The following SEMA3A variants were observed in gnomAD, a reference collection of about 807,000 sequenced individuals.
The protein encoded by SEMA3A is semaphorin 3A.
A neutral mutation model predicts 97.9 loss-of-function variants in SEMA3A; 29 were observed. That is an observed-to-expected ratio of 0.30 (90% CI 0.22 to 0.40). The LOEUF (loss-of-function observed/expected upper bound fraction) is 0.40. Ranked by LOEUF, SEMA3A falls within the 10% of genes least tolerant of loss-of-function variation. The pLI, the probability that SEMA3A is intolerant of heterozygous loss-of-function variation, is 1.00. For missense variants in SEMA3A, 763 were observed against 951.3 expected, an observed-to-expected ratio of 0.80 and a Z score of 2.60; for synonymous variants, 321 against 323.7, an observed-to-expected ratio of 0.99 and a Z score of 0.09.
intron 1 of SEMA3A, among the ~76,000 whole-genome samples, chr7:84,407,547 A>C (rs1311748623): frequency 3.3e-5 from 5 of 151,700 alleles, no homozygotes; most frequent in South Asian, 2.1e-4. Context: ...AAACTACTTT[A>C]AAGTTCATAT....
intron 3 of SEMA3A, among the ~76,000 whole-genome samples, chr7:84,249,404 T>TA (rs778701023): frequency 1.3e-5 from 2 of 151,950 alleles, no homozygotes; most frequent in Non-Finnish European, 2.9e-5. Flanking sequence ...TCTATCTATC[T>TA]ATCTATCTAT....
At chr7:84,250,504 T>C (rs962249756) in intron 3 of SEMA3A, among the ~76,000 whole-genome samples, 4 of 152,156 alleles carry the variant, frequency 2.6e-5, no homozygotes, top group African/African-American at 7.2e-5. Flanking sequence ...TGTTCATTGA[T>C]TGATAATGAG....
intron 1 of SEMA3A, among the ~76,000 whole-genome samples, chr7:84,426,043 A>T (rs1169907204): frequency 6.6e-6 from 1 of 151,718 alleles, no homozygotes; most frequent in Admixed American, 6.6e-5. Context: ...ATACAAAGGC[A>T]TACAGAGTGG....
intron 3 of SEMA3A, among the ~76,000 whole-genome samples, chr7:84,208,612 T>TATC (rs1438592138): frequency 6.6e-6 from 1 of 152,230 alleles, no homozygotes; most frequent in African/African-American, 2.4e-5. Context: ...TAATTACTGT[T>TATC]ATCTTTTAAA....
chr7:84,116,334 T>C (rs1357072919), intron 3 of SEMA3A, among the ~76,000 whole-genome samples: 1 of 152,222 alleles, frequency 6.6e-6, no homozygotes, highest in Non-Finnish European at 1.5e-5. Context: ...GTATACTCTT[T>C]TCCTTTTCTT....
chr7:84,303,927 T>C (rs1257126196), intron 3 of SEMA3A, among the ~76,000 whole-genome samples: 1 of 152,158 alleles, frequency 6.6e-6, no homozygotes, highest in Non-Finnish European at 1.5e-5. Context: ...TGTAACCCCA[T>C]TGTAAGTTTG....
chr7:84,483,041 C>T, intron 1 of SEMA3A, among the ~76,000 whole-genome samples: 1 of 152,058 alleles, frequency 6.6e-6, no homozygotes, highest in East Asian at 1.9e-4. Context: ...GTTTTGGAAG[C>T]AAATCAAAAC....
intron 1 of SEMA3A, among the ~76,000 whole-genome samples, chr7:84,172,653 C>G (rs573202439): frequency 3.6e-4 from 55 of 152,196 alleles, no homozygotes; most frequent in Admixed American, 3.6e-3. Flanking sequence ...GTCTCGATCT[C>G]CTGACCTAGT....
intron 4 of SEMA3A, among the ~76,000 whole-genome samples, chr7:84,108,910 G>GA (rs796700320): frequency 0.26 from 31,411 of 121,792 alleles, 4,728 homozygotes; most frequent in African/African-American, 0.4. Flanking sequence ...ATACTCACAA[G>GA]AAAAAAAAAA....
intron 3 of SEMA3A, among the ~76,000 whole-genome samples, chr7:84,237,442 A>C (rs1054005614): frequency 3.3e-5 from 5 of 152,130 alleles, no homozygotes; most frequent in Non-Finnish European, 7.4e-5. Context: ...TAATCAATAA[A>C]AGAGAAGAAG....
At chr7:84,204,638 T>C (rs529899093) in intron 3 of SEMA3A, among the ~76,000 whole-genome samples, 5 of 152,326 alleles carry the variant, frequency 3.3e-5, no homozygotes, top group African/African-American at 9.6e-5. Flanking sequence ...TAGGCTCTTA[T>C]TAATTTTATG....
intron 2 of SEMA3A, among the ~76,000 whole-genome samples, chr7:84,331,719 T>A (rs1346311270): frequency 1.3e-5 from 2 of 151,692 alleles, no homozygotes; most frequent in Non-Finnish European, 2.9e-5. Flanking sequence ...AAAAAAAAAA[T>A]AACACATTTT....
At chr7:84,443,528 G>A (rs1293630789) in intron 1 of SEMA3A, among the ~76,000 whole-genome samples, 2 of 152,084 alleles carry the variant, frequency 1.3e-5, no homozygotes, top group East Asian at 3.9e-4. Flanking sequence ...AACAAAAAGT[G>A]TCAGAAGGAG....
At chr7:84,036,023 G>A (rs1001014650) in intron 6 of SEMA3A, among the ~76,000 whole-genome samples, 1 of 151,958 alleles carries the variant, frequency 6.6e-6, no homozygotes, top group Admixed American at 6.6e-5. Context: ...CTTTCTAAGA[G>A]AAGACTGGGT....
intron 2 of SEMA3A, among the ~76,000 whole-genome samples, chr7:84,320,261 T>A (rs1040726786): frequency 2.0e-5 from 3 of 152,134 alleles, no homozygotes; most frequent in African/African-American, 7.2e-5. Context: ...ATTTTTTGTC[T>A]CTGGGTATTA....
At chr7:84,463,968 T>C (rs184502111) in intron 1 of SEMA3A, among the ~76,000 whole-genome samples, 103 of 152,274 alleles carry the variant, frequency 6.8e-4, no homozygotes, top group African/African-American at 2.2e-3. Flanking sequence ...GAATAAAGAA[T>C]GAATGGATTA....
At chr7:83,965,185 C>T (rs564854560) in intron 15 of SEMA3A, among the ~76,000 whole-genome samples, 10 of 151,864 alleles carry the variant, frequency 6.6e-5, no homozygotes, top group African/African-American at 1.7e-4. Flanking sequence ...GTGATCCGCC[C>T]GCCTCGGCCT....
rs181617493 is a variant in SEMA3A, at chr7:84,477,416, G to A, written c.-246+15044C>T. Among the ~76,000 whole-genome samples the A allele has an allele frequency of 3.4e-3, 463 of 135,476 alleles. 1 individual carries two copies. The highest frequency in any genetic ancestry group is 0.021 in the Middle Eastern group (5 of 242). 88.9% of individuals were successfully genotyped at this position (135,476 alleles called of 152,430 possible). On this transcript the variant is annotated intron_variant, in intron 1 of 3. Transcript: ENST00000424555. Reference sequence around the variant, plus strand: ...ATCACAATGCTGCACTCCAGCCTGGGCTACAGAGCGAGACTCTGTCTCAAA... The same window carrying A: ...ATCACAATGCTGCACTCCAGCCTGGACTACAGAGCGAGACTCTGTCTCAAA...
At chr7:83,973,777 A>G (rs899896811) in intron 15 of SEMA3A, among the ~76,000 whole-genome samples, 1 of 152,176 alleles carries the variant, frequency 6.6e-6, no homozygotes, top group African/African-American at 2.4e-5. Context: ...TAATGCATGC[A>G]TGCAAAACTA....
Sources: allele counts gnomAD v4.1 joint callset (sites outside exome capture counted in the v4.1 genomes callset), GRCh38; gene constraint gnomAD v4.1.1; transcripts MANE v1.5; gene names NCBI Gene and HGNC (gene_info 2026-07-23, HGNC 2026-07-21).